ATP8A2: variants seen among roughly 807,000 people sequenced by gnomAD.
ATP8A2 encodes phospholipid-transporting ATPase IB.
ATP8A2 carries 100 observed loss-of-function variants against 165.6 expected under a neutral mutation model. The ratio of observed to expected loss-of-function variants is 0.60; its 90% CI spans 0.51 to 0.71. The LOEUF is 0.71. Ranked by LOEUF, ATP8A2 falls within the 30% of genes least tolerant of loss-of-function variation. The pLI is 0.00. For missense variants in ATP8A2, 1,227 were observed against 1,479.5 expected, an observed-to-expected ratio of 0.83 and a Z score of 2.80; for synonymous variants, 543 against 548.8, an observed-to-expected ratio of 0.99 and a Z score of 0.15.
chr13:25,430,230 T>G (rs1283502076), intron 1 of ATP8A2, among the ~76,000 whole-genome samples: 1 of 151,780 alleles, frequency 6.6e-6, no homozygotes, highest in African/African-American at 2.4e-5. Context: ...GGCTGTGACC[T>G]CTGGCGAATG....
chr13:25,478,817 T>C (rs960723833), intron 2 of ATP8A2, among the ~76,000 whole-genome samples: 2 of 151,694 alleles, frequency 1.3e-5, no homozygotes, highest in African/African-American at 4.8e-5. Flanking sequence ...ATATCAGTGG[T>C]CTCCAAAACT....
intron 33 of ATP8A2, among the ~76,000 whole-genome samples, chr13:25,903,393 T>C (rs1953825149): frequency 6.6e-6 from 1 of 152,118 alleles, no homozygotes; most frequent in African/African-American, 2.4e-5. Context: ...ATCTCACATG[T>C]CACTTCCCAC....
chr13:25,854,737 A>C (rs1371296610), intron 30 of ATP8A2, among the ~76,000 whole-genome samples: 1 of 152,226 alleles, frequency 6.6e-6, no homozygotes, highest in African/African-American at 2.4e-5. Context: ...GTACTGCCCA[A>C]TACAGTCGCC....
chr13:25,787,748 G>T (rs587464), intron 27 of ATP8A2, among the ~76,000 whole-genome samples: 150,483 of 152,316 alleles, frequency 0.99, 74,359 homozygotes, highest in East Asian at 1. Context: ...CGGCATAGGT[G>T]TCCCATGGTT....
rs542493102 is a variant in ATP8A2 at position 25,575,901 on chromosome 13, A to T, written c.1712+1044A>T. On this transcript the variant is annotated intron_variant, in intron 19 of 36. Transcript: ENST00000381655. ...ACAGGCAAGGAGGAGGAGAAAAGGG[A>T]GTTAGATAAAAACAGGTGAATATTG... Among the ~76,000 whole-genome samples, 5 of 152,302 alleles carry T rather than the reference A, an allele frequency of 3.3e-5. No individual in the cohort carries two copies. In the South Asian group the frequency reaches 1.0e-3, roughly 32 times the overall value.
chr13:25,698,271 T>C (rs1056047731), intron 24 of ATP8A2, among the ~76,000 whole-genome samples: 1 of 151,816 alleles, frequency 6.6e-6, no homozygotes, highest in African/African-American at 2.4e-5. Flanking sequence ...TGTTGTCCAG[T>C]CTGGAGTGGT....
chr13:25,699,345 G>T lies in ATP8A2; in HGVS notation c.2384G>T (p.Arg795Ile). The T allele has an allele frequency of 1.2e-6, 2 of 1,607,432 alleles. No homozygotes were observed. The highest frequency in any genetic ancestry group is 1.1e-5 in the South Asian group (1 of 89,292). Residue 795 changes from arginine (R) to isoleucine (I), a missense_variant and splice_region_variant, in exon 25 of 37, where the codon AGA becomes ATA. Transcript: ENST00000381655. The stretch of plus-strand genomic sequence containing the variant: ...TCGTGCAAAGCGGTCATATGCTGCA[G>T]GTAGGAACCTGCAGGCTGTGCACAG... ...ALSCKAVICC[R>I]VSPLQKSEIV...
chr13:25,868,398 G>T (rs755906445), intron 33 of ATP8A2, among the ~76,000 whole-genome samples: 5 of 152,182 alleles, frequency 3.3e-5, no homozygotes, highest in Non-Finnish European at 5.9e-5. Flanking sequence ...GGCATGGCTG[G>T]TGAGGAGCGG....
At chr13:25,698,714 A>G (rs1431161973) in intron 24 of ATP8A2, among the ~76,000 whole-genome samples, 2 of 152,198 alleles carry the variant, frequency 1.3e-5, no homozygotes, top group South Asian at 2.1e-4. Flanking sequence ...CTGGCAATGC[A>G]TGGAGAGAAT....
intron 24 of ATP8A2, among the ~76,000 whole-genome samples, chr13:25,616,266 G>A (rs960961762): frequency 1.5e-4 from 22 of 150,680 alleles, no homozygotes; most frequent in Non-Finnish European, 2.1e-4. Context: ...GCATAAATAC[G>A]AATCTTTTCC....
chr13:25,409,350 G>C (rs1333235747), intron 1 of ATP8A2, among the ~76,000 whole-genome samples: 1 of 152,112 alleles, frequency 6.6e-6, no homozygotes, highest in African/African-American at 2.4e-5. Context: ...AGGAAAAATA[G>C]AAAACAAAAA....
intron 1 of ATP8A2, among the ~76,000 whole-genome samples, chr13:25,464,446 TAAAAA>T (rs34063090): frequency 7.8e-6 from 1 of 127,462 alleles, no homozygotes; most frequent in African/African-American, 3.0e-5. Flanking sequence ...CATCTCTATC[TAAAAA>T]AAAAAAAAAA....
At chr13:25,804,782 G>A (rs574650231) in intron 27 of ATP8A2, among the ~76,000 whole-genome samples, 3 of 152,262 alleles carry the variant, frequency 2.0e-5, no homozygotes, top group East Asian at 1.9e-4. Context: ...AACTTAGTGC[G>A]CAGAAAAATG....
intron 27 of ATP8A2, among the ~76,000 whole-genome samples, chr13:25,809,676 A>G (rs992655120): frequency 2.6e-5 from 4 of 151,858 alleles, no homozygotes; most frequent in Admixed American, 1.3e-4. Context: ...CTAGCTCACA[A>G]CACCCTGTGT....
At chr13:25,436,274 A>G (rs957637062) in intron 1 of ATP8A2, among the ~76,000 whole-genome samples, 1 of 151,936 alleles carries the variant, frequency 6.6e-6, no homozygotes, top group Non-Finnish European at 1.5e-5. Context: ...CCCGTCCCCA[A>G]TCCAGCAGTC....
At chr13:25,455,364 A>C (rs1227720290) in intron 1 of ATP8A2, among the ~76,000 whole-genome samples, 1 of 152,220 alleles carries the variant, frequency 6.6e-6, no homozygotes, top group African/African-American at 2.4e-5. Context: ...GCACCTTTCC[A>C]TCAGGGTTCT....
chr13:25,524,113 G>A lies in ATP8A2; in HGVS notation c.222-5886G>A, dbSNP rs565567654. 1.6e-4 allele frequency among the ~76,000 whole-genome samples: 25 copies of A among 152,060 alleles called. No homozygotes were observed. The South Asian group carries it at 5.2e-3, about 32-fold the overall frequency. ...AATTTTCCTTCTTAATTTCTTCATT[G>A]ACCTATCAGTTGTTGAGGAACATGT... On this transcript the variant is annotated intron_variant, in intron 2 of 36. Transcript: ENST00000381655.
chr13:25,697,195 C>A (rs2042851465), intron 24 of ATP8A2, among the ~76,000 whole-genome samples: 1 of 152,152 alleles, frequency 6.6e-6, no homozygotes, highest in African/African-American at 2.4e-5. Flanking sequence ...ACAAAGAAGG[C>A]ATTGCTAATG....
Position 25,422,973 on chromosome 13 carries a change from C to T in ATP8A2, c.77-46004C>T, listed in dbSNP as rs531386645. 6.5e-4 allele frequency among the ~76,000 whole-genome samples: 99 copies of T among 152,290 alleles called. 2 individuals carry two copies. In the South Asian group the frequency reaches 0.017, roughly 26 times the overall value. ...TTTGTTATCAGGCATACATGAATGA[C>T]AGCCCTCTCTTCATGGCCTTCCTTG... On this transcript the variant is annotated intron_variant, in intron 1 of 36. Transcript: ENST00000381655.
Sources: allele counts gnomAD v4.1 joint callset (sites outside exome capture counted in the v4.1 genomes callset), GRCh38; gene constraint gnomAD v4.1.1; transcripts MANE v1.5; gene names NCBI Gene and HGNC (gene_info 2026-07-23, HGNC 2026-07-21).